SOX5: variants seen among roughly 807,000 people sequenced by gnomAD.
SOX5 encodes the protein transcription factor SOX-5.
A neutral mutation model predicts 92.0 loss-of-function variants in SOX5; 9 were observed. The observed-to-expected ratio is 0.10, with a 90% CI of 0.06 to 0.17. The LOEUF is 0.17. Among genes scored for constraint, SOX5 ranks in the 10% least tolerant of loss-of-function variants. The probability of loss-of-function intolerance (pLI) is 1.00; values close to 1 mark genes in which losing one functional copy is unlikely to be tolerated. For missense variants in SOX5, 642 were observed against 944.5 expected (o/e 0.68, Z 4.20); for synonymous variants, 344 against 336.3 (o/e 1.02, Z -0.25).
intron 2 of SOX5, among the ~76,000 whole-genome samples, chr12:23,869,667 G>A (rs2096852575): frequency 6.6e-6 from 1 of 152,102 alleles, no homozygotes; most frequent in Non-Finnish European, 1.5e-5. Flanking sequence ...CTATCACTAA[G>A]TACCCTGCTT....
At chr12:24,076,188 A>T (rs1477000236) in intron 4 of SOX5, among the ~76,000 whole-genome samples, 1 of 152,048 alleles carries the variant, frequency 6.6e-6, no homozygotes. Flanking sequence ...CTCTAAACAT[A>T]TAGTTTGATA....
intron 1 of SOX5, among the ~76,000 whole-genome samples, chr12:24,416,641 T>C (rs537308057): frequency 6.6e-6 from 1 of 152,244 alleles, no homozygotes; most frequent in Admixed American, 6.5e-5. Flanking sequence ...AGGCACCGAG[T>C]ATTCTCAAGA....
chr12:24,205,213 G>C lies in SOX5; in HGVS notation c.-2+8130C>G, dbSNP rs1957902568. On this transcript the variant is annotated intron_variant, in intron 4 of 4. Coordinates refer to the SOX5 transcript ENST00000446891. ...TGCTTAAATGCCTGTCTTGCATTAG[G>C]CTTTACACTTTTGAAGTAGACACCA... Among the ~76,000 whole-genome samples the C allele has an allele frequency of 2.0e-5, 3 of 152,040 alleles. No individual in the cohort carries two copies. The South Asian group carries it at 6.2e-4, about 32-fold the overall frequency.
chr12:23,850,016 T>G (rs2096613991), intron 2 of SOX5, among the ~76,000 whole-genome samples: 1 of 152,138 alleles, frequency 6.6e-6, no homozygotes, highest in Non-Finnish European at 1.5e-5. Flanking sequence ...GTTCAGTAAT[T>G]TGGGTATTGC....
intron 4 of SOX5, among the ~76,000 whole-genome samples, chr12:24,207,985 G>A (rs1219299573): frequency 6.6e-6 from 1 of 152,068 alleles, no homozygotes; most frequent in Non-Finnish European, 1.5e-5. Context: ...GAATAAATCA[G>A]TAAAAACAAA....
chr12:24,378,294 T>G (rs550625754), intron 1 of SOX5, among the ~76,000 whole-genome samples: 1 of 152,386 alleles, frequency 6.6e-6, no homozygotes, highest in African/African-American at 2.4e-5. Flanking sequence ...TTAAAAATTC[T>G]AACCAAATGA....
At chr12:23,710,005 A>G (rs1052531429) in intron 6 of SOX5, among the ~76,000 whole-genome samples, 1 of 152,288 alleles carries the variant, frequency 6.6e-6, no homozygotes, top group East Asian at 1.9e-4. Context: ...TTATCACATC[A>G]AGACCTATTT....
intron 4 of SOX5, among the ~76,000 whole-genome samples, chr12:24,125,086 G>A (rs775832270): frequency 3.2e-4 from 49 of 152,144 alleles, no homozygotes; most frequent in South Asian, 2.1e-3. Flanking sequence ...TTTAATCCTA[G>A]GTCAAAAATA....
At chr12:23,737,956 A>G (rs149607581) in intron 5 of SOX5, among the ~76,000 whole-genome samples, 29 of 152,364 alleles carry the variant, frequency 1.9e-4, no homozygotes, top group Admixed American at 1.2e-3. Context: ...AATGCCCTGC[A>G]TAAGTTTTCA....
chr12:23,796,964 C>G (rs546103943), intron 3 of SOX5, among the ~76,000 whole-genome samples: 300 of 148,660 alleles, frequency 2.0e-3, no homozygotes, highest in Non-Finnish European at 3.7e-3. Flanking sequence ...CGCTACTGCA[C>G]AGTAGGTATT....
At chr12:24,065,601 C>G (rs1266165012) in intron 4 of SOX5, among the ~76,000 whole-genome samples, 6 of 130,476 alleles carry the variant, frequency 4.6e-5, no homozygotes, top group Non-Finnish European at 9.2e-5. Context: ...GAGCTGAGAT[C>G]ACATCACTAC....
chr12:23,839,990 C>CAAAAAAA (rs142394109), intron 3 of SOX5, among the ~76,000 whole-genome samples: 12 of 121,858 alleles, frequency 9.8e-5, no homozygotes, highest in Non-Finnish European at 1.2e-4. Flanking sequence ...CTCAAGAAGA[C>CAAAAAAA]AAAAAAAAAA....
At chr12:24,032,929 T>C (rs898507720) in intron 4 of SOX5, among the ~76,000 whole-genome samples, 2 of 151,952 alleles carry the variant, frequency 1.3e-5, no homozygotes, top group Non-Finnish European at 2.9e-5. Flanking sequence ...CTTGGACTTT[T>C]TGTTCTTTCT....
intron 4 of SOX5, among the ~76,000 whole-genome samples, chr12:23,998,125 T>C (rs947233488): frequency 2.0e-5 from 3 of 152,068 alleles, no homozygotes; most frequent in Non-Finnish European, 4.4e-5. Flanking sequence ...GGTGTCAGAC[T>C]TGCCTAACAA....
In SOX5 at chr12:24,296,421, T is replaced by C. The variant is rs1346873385; in HGVS notation, c.-173-19109A>G. Among the ~76,000 whole-genome samples the C allele has an allele frequency of 2.0e-5, 3 of 152,198 alleles. No homozygotes were observed. In the South Asian group the frequency reaches 6.2e-4, roughly 31 times the overall value. On this transcript the variant is annotated intron_variant, in intron 2 of 4. Transcript: ENST00000446891. ...TCCTTCTGCAGTGTTTCTCTAAAAC[T>C]CTGTCCTTGGTGAAGAAGTGAGAAC...
At chr12:24,398,474 A>C (rs1566069028) in intron 1 of SOX5, among the ~76,000 whole-genome samples, 1 of 152,188 alleles carries the variant, frequency 6.6e-6, no homozygotes, top group Non-Finnish European at 1.5e-5. Context: ...ACTGCACTCC[A>C]GCCTGAAAGA....
At chr12:24,478,406 C>G (rs1487077776) in intron 1 of SOX5, among the ~76,000 whole-genome samples, 1 of 152,146 alleles carries the variant, frequency 6.6e-6, no homozygotes, top group Non-Finnish European at 1.5e-5. Context: ...AACTCAATAG[C>G]TTCATCAGAA....
At chr12:24,278,983 A>G (rs531425837) in intron 2 of SOX5, among the ~76,000 whole-genome samples, 1 of 151,792 alleles carries the variant, frequency 6.6e-6, no homozygotes, top group African/African-American at 2.4e-5. Context: ...AAATTTTGTC[A>G]TATCATATAT....
At chr12:23,770,144 C>G (rs1344934622) in intron 3 of SOX5, among the ~76,000 whole-genome samples, 1 of 143,096 alleles carries the variant, frequency 7.0e-6, no homozygotes, top group East Asian at 2.2e-4. Flanking sequence ...TTTGTCCTGT[C>G]ATGTTTTCAG....
Sources: allele counts gnomAD v4.1 joint callset (sites outside exome capture counted in the v4.1 genomes callset), GRCh38; gene constraint gnomAD v4.1.1; transcripts MANE v1.5; gene names NCBI Gene and HGNC (gene_info 2026-07-23, HGNC 2026-07-21).